Variants in PLCG2 observed in about 807,000 individuals in gnomAD.
PLCG2 encodes phospholipase C gamma 2.
Under a neutral mutation model 175.6 loss-of-function variants are expected in PLCG2, and 69 were observed. The observed-to-expected ratio is 0.39, with a 90% confidence interval of 0.32 to 0.48. The LOEUF (loss-of-function observed/expected upper bound fraction) is 0.48. Among genes scored for constraint, PLCG2 ranks in the 20% least tolerant of loss-of-function variants. PLCG2 has a pLI of 0.91. For synonymous variants in PLCG2, 827 were observed against 624.0 expected (o/e 1.33, Z -4.85); for missense variants, 1,798 against 1,650.9 (o/e 1.09, Z -1.54).
intron 2 of PLCG2, among the ~76,000 whole-genome samples, chr16:81,786,418 A>C (rs186860350): frequency 1.3e-5 from 2 of 152,224 alleles, no homozygotes; most frequent in African/African-American, 4.8e-5. Flanking sequence ...GTCAGCCAAC[A>C]TGGAAATGGC....
chr16:81,772,527 G>C (rs572657688), intron 2 of PLCG2, among the ~76,000 whole-genome samples: 1 of 152,112 alleles, frequency 6.6e-6, no homozygotes, highest in East Asian at 1.9e-4. Context: ...TGAATGAAAG[G>C]GGCCAGGCAC....
chr16:81,759,003 T>G (rs896001976), intron 2 of PLCG2, among the ~76,000 whole-genome samples: 4 of 152,188 alleles, frequency 2.6e-5, no homozygotes, highest in African/African-American at 9.6e-5. Flanking sequence ...AAATTTAGCC[T>G]TTCTAGCAGG....
Position 81,874,960 on chromosome 16 carries a change from T to TTTGTTC in PLCG2, c.648+4027_648+4028insGTTCTT, listed in dbSNP as rs1347240051. Among the ~76,000 whole-genome samples, 96 of 142,442 alleles carry TTTGTTC rather than the reference T, an allele frequency of 6.7e-4. 2 individuals are homozygous for TTTGTTC. Among genetic ancestry groups the TTTGTTC allele is most frequent in the South Asian group, 2.1e-3 (9 of 4,364 alleles). The allele number at this position is 142,442 out of a possible 152,430, so 93.4% of individuals were successfully genotyped here. A position where few individuals can be genotyped will look rare whatever the true frequency, so the allele number is the denominator to read the frequency against. On this transcript the variant is annotated intron_variant, in intron 7 of 32. Transcript: ENST00000564138. ...CACTATCCTATGTGTTTTTTTTTTT[T>TTTGTTC]TTTTTTTTTTTTTTTTTATTTGAGA... is the stretch of plus-strand genomic sequence containing the variant.
chr16:81,888,010 A>G (rs753309680), intron 9 of PLCG2, among the ~76,000 whole-genome samples: 59 of 146,484 alleles, frequency 4.0e-4, no homozygotes, highest in Non-Finnish European at 7.2e-4. Flanking sequence ...ATTACATTCC[A>G]TATCAGTTTC....
At chr16:81,791,783 T>G (rs568715634) in intron 2 of PLCG2, among the ~76,000 whole-genome samples, 1 of 152,192 alleles carries the variant, frequency 6.6e-6, no homozygotes, top group Admixed American at 6.5e-5. Flanking sequence ...CAGGCTGGTC[T>G]TGAGCTCCTG....
chr16:81,781,396 A>G (rs959769891), intron 1 of PLCG2, among the ~76,000 whole-genome samples: 79 of 142,888 alleles, frequency 5.5e-4, no homozygotes, highest in African/African-American at 2.0e-3. Flanking sequence ...CCCCACATTG[A>G]TGAGCAGTTG....
chr16:81,928,083 G>T (rs8047817), intron 23 of PLCG2, among the ~76,000 whole-genome samples: 8,625 of 152,144 alleles, frequency 0.057, 820 homozygotes, highest in African/African-American at 0.2. Context: ...ATGGTTCAAG[G>T]GTGCAATGGG....
In PLCG2 at chr16:81,911,654, AG is replaced by A. The variant is rs575585597; in HGVS notation, c.1934+936del. Among the ~76,000 whole-genome samples the A allele has an allele frequency of 2.9e-4, 44 of 152,070 alleles. No homozygotes were observed. The East Asian group carries it at 7.9e-3, about 27-fold the overall frequency. On this transcript the variant is annotated intron_variant, in intron 18 of 32. Coordinates refer to ENST00000564138, the MANE Select transcript of PLCG2 (RefSeq NM_002661.5). ...GAGACCGGGTCTCGCTCTGTCTCCC[AG>A]GCTGGAGTGCAATGGCACGATCTCA...
intron 2 of PLCG2, among the ~76,000 whole-genome samples, chr16:81,786,667 C>G (rs939435542): frequency 2.0e-5 from 3 of 152,186 alleles, no homozygotes; most frequent in Non-Finnish European, 4.4e-5. Context: ...TTGTAGCTTT[C>G]AAATGCAGGT....
In PLCG2 at chr16:81,960,696, TAAG is replaced by T. The variant is rs1176099087; in HGVS notation, c.*2702_*2704del. 2.2e-5 allele frequency: 5 copies of T among 229,914 alleles called. No individual in the cohort carries two copies. The highest frequency in any genetic ancestry group is 4.3e-5 in the Non-Finnish European group (5 of 116,016). The allele number at this position is 229,914 out of a possible 1,614,324, so 14.2% of individuals were successfully genotyped here. A position where few individuals can be genotyped will look rare whatever the true frequency, so the allele number is the denominator to read the frequency against. ...CACATTTGAAGACCTACTGCTCTAT[TAAG>T]AAGGCAGCCGGACAACATGTTCTAA... On this transcript the variant is annotated 3_prime_UTR_variant, in exon 33 of 33. Transcript: ENST00000564138.
chr16:81,817,957 A>T (rs1266302297), intron 2 of PLCG2, among the ~76,000 whole-genome samples: 2 of 152,214 alleles, frequency 1.3e-5, no homozygotes, highest in Non-Finnish European at 2.9e-5. Context: ...CAAAGACCCA[A>T]AGGAGAAGAC....
intron 9 of PLCG2, among the ~76,000 whole-genome samples, chr16:81,885,127 A>G (rs919116702): frequency 2.6e-5 from 4 of 151,780 alleles, no homozygotes; most frequent in African/African-American, 9.7e-5. Flanking sequence ...CCCATGTTCA[A>G]GTGATTCTCC....
intron 2 of PLCG2, among the ~76,000 whole-genome samples, chr16:81,809,816 A>AT (rs563768098): frequency 6.7e-4 from 75 of 111,192 alleles, no homozygotes; most frequent in African/African-American, 2.5e-3. Flanking sequence ...CAGAGTCAGG[A>AT]TTTTTTGGCC....
At chr16:81,947,121 C>G (rs555665409) in intron 31 of PLCG2, among the ~76,000 whole-genome samples, 1 of 152,302 alleles carries the variant, frequency 6.6e-6, no homozygotes, top group South Asian at 2.1e-4. Flanking sequence ...CTGTTGTAAA[C>G]AACCGGAAAC....
intron 9 of PLCG2, among the ~76,000 whole-genome samples, chr16:81,885,046 C>T (rs956947662): frequency 3.0e-4 from 37 of 122,114 alleles, no homozygotes; most frequent in Non-Finnish European, 5.4e-4. Context: ...TGCCACCATG[C>T]CTGACAATTT....
In PLCG2 at chr16:81,931,672, C is replaced by T. The variant is rs201215284; in HGVS notation, c.2739+18C>T. 261 of 1,609,854 alleles carry T rather than the reference C, an allele frequency of 1.6e-4. No homozygotes were observed. Among genetic ancestry groups the T allele is most frequent in the Admixed American group, 2.2e-4 (13 of 59,894 alleles). On this transcript the variant is annotated intron_variant, in intron 25 of 32. Coordinates refer to ENST00000564138, the MANE Select transcript of PLCG2 (RefSeq NM_002661.5). ...ACACCAAGGTAGGCACCTGCTCACC[C>T]GGGTGCAGGTGGGCCTGGCATTCTG...
At chr16:81,884,601 CTGTGTGTGTG>C (rs34497020) in intron 9 of PLCG2, among the ~76,000 whole-genome samples, 1 of 150,378 alleles carries the variant, frequency 6.6e-6, no homozygotes, top group Non-Finnish European at 1.5e-5. Context: ...TTGTATGGAT[CTGTGTGTGTG>C]TGTGTGTGTA....
chr16:81,833,114 C>T (rs762893325), intron 2 of PLCG2, among the ~76,000 whole-genome samples: 1 of 152,180 alleles, frequency 6.6e-6, no homozygotes, highest in Non-Finnish European at 1.5e-5. Flanking sequence ...CCTGCTGGCA[C>T]CCACCTCGCA....
intron 2 of PLCG2, among the ~76,000 whole-genome samples, chr16:81,838,955 C>G (rs1905678068): frequency 6.6e-6 from 1 of 152,060 alleles, no homozygotes; most frequent in Non-Finnish European, 1.5e-5. Flanking sequence ...ATCAGTGAGT[C>G]TTGCATGGCT....
Sources: gnomAD v4.1 joint callset for allele counts (sites outside exome capture counted in the v4.1 genomes callset) on GRCh38, gnomAD v4.1.1 for gene constraint, MANE v1.5 for transcripts, NCBI Gene and HGNC (gene_info 2026-07-23, HGNC 2026-07-21) for gene names.